RBFOX1: variants seen among roughly 807,000 people sequenced by gnomAD.
RBFOX1 encodes the protein RNA binding fox-1 homolog 1.
RBFOX1 carries 8 observed loss-of-function variants against 57.7 expected under a neutral mutation model. That is an observed-to-expected ratio of 0.14 (90% CI 0.08 to 0.25). The LOEUF (loss-of-function observed/expected upper bound fraction) is 0.25. Ranked by LOEUF, RBFOX1 falls within the 10% of genes least tolerant of loss-of-function variation. The pLI is 1.00. For missense variants in RBFOX1, 611 were observed against 548.5 expected, an observed-to-expected ratio of 1.11 and a Z score of -1.14; for synonymous variants, 326 against 222.4, an observed-to-expected ratio of 1.47 and a Z score of -4.15.
intron 4 of RBFOX1, among the ~76,000 whole-genome samples, chr16:7,106,478 T>C (rs1409665681): frequency 6.6e-6 from 1 of 152,092 alleles, no homozygotes; most frequent in Non-Finnish European, 1.5e-5. Flanking sequence ...TGAACTTAAG[T>C]CTTTGGGATT....
chr16:6,197,846 G>T (rs779065550), intron 1 of RBFOX1, among the ~76,000 whole-genome samples: 3 of 151,618 alleles, frequency 2.0e-5, no homozygotes, highest in African/African-American at 7.3e-5. Flanking sequence ...TGTTCCCTTC[G>T]TGTCCATGAG....
chr16:5,660,873 T>C (rs1237615355), intron 3 of RBFOX1, among the ~76,000 whole-genome samples: 7 of 152,162 alleles, frequency 4.6e-5, no homozygotes, highest in Non-Finnish European at 7.3e-5. Flanking sequence ...GGCTTTCCTA[T>C]GGCCGTAGCT....
intron 4 of RBFOX1, among the ~76,000 whole-genome samples, chr16:7,459,738 C>T (rs1598939803): frequency 6.6e-6 from 1 of 152,126 alleles, no homozygotes; most frequent in African/African-American, 2.4e-5. Flanking sequence ...AAAATCTTTC[C>T]CAGATGCAGT....
At chr16:7,042,658 G>T (rs1333669659) in intron 3 of RBFOX1, among the ~76,000 whole-genome samples, 4 of 152,238 alleles carry the variant, frequency 2.6e-5, no homozygotes, top group Non-Finnish European at 5.9e-5. Flanking sequence ...AGGTGCAGTG[G>T]CTTGCGCCTG....
chr16:6,531,264 T>C (rs1385686198), intron 2 of RBFOX1, among the ~76,000 whole-genome samples: 1 of 152,218 alleles, frequency 6.6e-6, no homozygotes, highest in Non-Finnish European at 1.5e-5. Flanking sequence ...TGTAGACTTC[T>C]AACTGGGGAA....
chr16:5,806,865 C>G (rs369412577), intron 3 of RBFOX1, among the ~76,000 whole-genome samples: 4 of 152,206 alleles, frequency 2.6e-5, no homozygotes, highest in Admixed American at 1.3e-4. Context: ...CCTTGGCCCA[C>G]TGATGTTCCC....
chr16:6,852,268 T>C (rs72768832), intron 3 of RBFOX1, among the ~76,000 whole-genome samples: 39,352 of 152,064 alleles, frequency 0.26, 5,679 homozygotes, highest in Admixed American at 0.38. Context: ...TCTGTGTTCT[T>C]GCTGTCTTCC....
At chr16:6,222,730 T>C (rs1402503182) in intron 1 of RBFOX1, among the ~76,000 whole-genome samples, 1 of 149,462 alleles carries the variant, frequency 6.7e-6, no homozygotes, top group African/African-American at 2.4e-5. Context: ...CTTTAAGTTT[T>C]AGGGTACATG....
At chr16:7,299,283 G>A (rs529901861) in intron 4 of RBFOX1, among the ~76,000 whole-genome samples, 2 of 152,288 alleles carry the variant, frequency 1.3e-5, no homozygotes, top group South Asian at 4.1e-4. Context: ...AAAGATGGCC[G>A]TAAACTGTTC....
intron 1 of RBFOX1, among the ~76,000 whole-genome samples, chr16:6,206,986 C>CCT (rs111817822): frequency 6.9e-6 from 1 of 145,938 alleles, no homozygotes; most frequent in African/African-American, 2.5e-5. Context: ...CAGAAAGCTA[C>CCT]TTTTTTTTTT....
chr16:6,893,818 T>C (rs2066101568), intron 3 of RBFOX1, among the ~76,000 whole-genome samples: 1 of 152,172 alleles, frequency 6.6e-6, no homozygotes, highest in Non-Finnish European at 1.5e-5. Flanking sequence ...TAATCACTAA[T>C]AAAAATATGC....
intron 3 of RBFOX1, among the ~76,000 whole-genome samples, chr16:6,717,747 T>C (rs916634016): frequency 2.0e-5 from 3 of 152,164 alleles, no homozygotes; most frequent in African/African-American, 7.2e-5. Context: ...ACCAGGGATG[T>C]GTCATTAGTA....
intron 3 of RBFOX1, among the ~76,000 whole-genome samples, chr16:6,760,636 CAAAT>C (rs1352141308): frequency 1.3e-5 from 2 of 152,124 alleles, no homozygotes; most frequent in Admixed American, 6.5e-5. Context: ...TTGGGTGAGA[CAAAT>C]AAAAGCATAT....
intron 4 of RBFOX1, among the ~76,000 whole-genome samples, chr16:7,425,866 A>G (rs143217744): frequency 1.6e-4 from 25 of 152,266 alleles, no homozygotes; most frequent in Non-Finnish European, 2.6e-4. Context: ...TTACATGAGC[A>G]TTATACAAAC....
At chr16:6,399,460 C>T (rs1199863579) in intron 2 of RBFOX1, among the ~76,000 whole-genome samples, 1 of 152,188 alleles carries the variant, frequency 6.6e-6, no homozygotes, top group East Asian at 1.9e-4. Context: ...TAAAACACAG[C>T]AAGAGTGAGC....
intron 1 of RBFOX1, among the ~76,000 whole-genome samples, chr16:6,220,938 G>A (rs1221494749): frequency 1.3e-5 from 2 of 151,832 alleles, no homozygotes; most frequent in Non-Finnish European, 2.9e-5. Context: ...ACTTGTAATG[G>A]CTATCAAATA....
intron 1 of RBFOX1, among the ~76,000 whole-genome samples, chr16:6,098,828 G>C (rs1258039701): frequency 6.6e-6 from 1 of 152,150 alleles, no homozygotes; most frequent in East Asian, 1.9e-4. Context: ...GTGGAGCCAG[G>C]TGCATCAGTT....
chr16:6,083,444 A>G (rs1169354687), intron 1 of RBFOX1, among the ~76,000 whole-genome samples: 2 of 152,160 alleles, frequency 1.3e-5, no homozygotes, highest in East Asian at 3.9e-4. Context: ...GCATATCATT[A>G]CTTGCTTTCA....
At chr16:5,910,626 T>C (rs1296723758) in intron 4 of RBFOX1, among the ~76,000 whole-genome samples, 4 of 152,076 alleles carry the variant, frequency 2.6e-5, no homozygotes, top group Non-Finnish European at 5.9e-5. Context: ...CTGTCCGGAG[T>C]GGCTTTTTGG....
Sources: gnomAD v4.1 joint callset for allele counts (sites outside exome capture counted in the v4.1 genomes callset) on GRCh38, gnomAD v4.1.1 for gene constraint, MANE v1.5 for transcripts, NCBI Gene and HGNC (gene_info 2026-07-23, HGNC 2026-07-21) for gene names.